DYNLL1: variants seen among roughly 807,000 people sequenced by gnomAD.
DYNLL1 encodes the protein dynein light chain 1, cytoplasmic.
In DYNLL1, 3 loss-of-function variants were observed where a neutral mutation model predicts 10.1. The observed-to-expected ratio is 0.30, with a 90% CI of 0.14 to 0.77. The LOEUF is 0.77. DYNLL1 is among the 30% of genes least tolerant of loss of function. The pLI is 0.66. For synonymous variants in DYNLL1, 46 were observed against 41.2 expected, an observed-to-expected ratio of 1.12 and a Z score of -0.45; for missense variants, 47 against 111.7, an observed-to-expected ratio of 0.42 and a Z score of 2.61.
At chr12:120,478,472 C>T (rs1592998468) in intron 1 of DYNLL1, among the ~76,000 whole-genome samples, 4 of 150,758 alleles carry the variant, frequency 2.7e-5, no homozygotes, top group Admixed American at 2.0e-4. Context: ...TCTCAAACTC[C>T]TGAGCTCAAG....
In DYNLL1 at chr12:120,496,151, C is replaced by A. The variant is rs554496255; in HGVS notation, c.-72C>A. On this transcript the variant is annotated 5_prime_UTR_variant, in exon 1 of 3. Transcript: ENST00000242577. ...TTTCGGTAGCGACGGTATCTCTAGC[C>A]GGGCCTGAGCTGTGCTAGCACCTCC... 1.3e-5 allele frequency: 7 copies of A among 553,106 alleles called. No homozygotes were observed. The highest frequency in any genetic ancestry group is 1.1e-4 in the African/African-American group (6 of 52,726). The allele number at this position is 553,106 out of a possible 1,614,324, so 34.3% of individuals were successfully genotyped here.
chr12:120,493,643 G>A (rs889161358), upstream of DYNLL1, among the ~76,000 whole-genome samples: 55 of 150,214 alleles, frequency 3.7e-4, no homozygotes, highest in Admixed American at 3.5e-3. Context: ...AGAGAGTCTC[G>A]CTCTGTCTCC....
chr12:120,481,345 A>C (rs993835859), intron 1 of DYNLL1, among the ~76,000 whole-genome samples: 2 of 152,162 alleles, frequency 1.3e-5, no homozygotes, highest in African/African-American at 4.8e-5. Context: ...ACAAAAGTTA[A>C]GGACTGAGTC....
chr12:120,493,583 A>G (rs1879188713), upstream of DYNLL1, among the ~76,000 whole-genome samples: 1 of 151,430 alleles, frequency 6.6e-6, no homozygotes, highest in African/African-American at 2.4e-5. Context: ...TATTATATAG[A>G]ATATTATATA....
upstream of DYNLL1, among the ~76,000 whole-genome samples, chr12:120,494,684 G>C (rs1345791301): frequency 6.6e-6 from 1 of 152,072 alleles, no homozygotes; most frequent in Non-Finnish European, 1.5e-5. Flanking sequence ...TCCAACTACT[G>C]AGCTCAAGCG....
chr12:120,473,458 G>A (rs1443868590), intron 1 of DYNLL1, among the ~76,000 whole-genome samples: 1 of 151,840 alleles, frequency 6.6e-6, no homozygotes, highest in East Asian at 1.9e-4. Context: ...CTTTGGGGAG[G>A]TCAAGGTGGG....
intron 1 of DYNLL1, among the ~76,000 whole-genome samples, chr12:120,481,191 C>A (rs1342590548): frequency 7.2e-5 from 11 of 152,158 alleles, no homozygotes; most frequent in Admixed American, 3.9e-4. Flanking sequence ...TTTCTGACAC[C>A]AAATGTGTGG....
intron 1 of DYNLL1, among the ~76,000 whole-genome samples, chr12:120,490,019 A>G (rs1356480081): frequency 1.3e-5 from 2 of 152,244 alleles, no homozygotes; most frequent in Non-Finnish European, 2.9e-5. Flanking sequence ...AAGTGCTAGG[A>G]TTACAGGCGT....
In DYNLL1 at chr12:120,480,463, C is replaced by G. The variant is rs368144083; in HGVS notation, c.-7+10359C>G. On this transcript the variant is annotated intron_variant, in intron 1 of 2. Transcript: ENST00000392509. ...GGCCTTCAGGATGTGCCTGAAGCAGCTTCTCCTCCACTCCTGCTACTCCTG... is the reference window on the plus strand; with the variant it reads ...GGCCTTCAGGATGTGCCTGAAGCAGGTTCTCCTCCACTCCTGCTACTCCTG... 4.6e-5 allele frequency among the ~76,000 whole-genome samples: 7 copies of G among 152,170 alleles called. No individual in the cohort carries two copies. In the East Asian group the frequency reaches 1.2e-3, roughly 25 times the overall value.
chr12:120,470,384 C>G (rs1878619560), intron 1 of DYNLL1, among the ~76,000 whole-genome samples: 1 of 152,118 alleles, frequency 6.6e-6, no homozygotes, highest in Non-Finnish European at 1.5e-5. Context: ...AGACACCCAC[C>G]TTGGCACTTA....
chr12:120,486,511 C>A (rs1038143282), intron 1 of DYNLL1, among the ~76,000 whole-genome samples: 2 of 152,090 alleles, frequency 1.3e-5, no homozygotes, highest in African/African-American at 4.8e-5. Context: ...CTCTGTTGCC[C>A]AGGCTGGAGT....
At chr12:120,477,077 C>G (rs1452901206) in intron 1 of DYNLL1, among the ~76,000 whole-genome samples, 1 of 151,958 alleles carries the variant, frequency 6.6e-6, no homozygotes, top group African/African-American at 2.4e-5. Flanking sequence ...TTACAGGCAC[C>G]TGCCACCACA....
chr12:120,474,438 A>C (rs1457382642), intron 1 of DYNLL1, among the ~76,000 whole-genome samples: 1 of 100,386 alleles, frequency 1.0e-5, no homozygotes, highest in Admixed American at 9.4e-5. Flanking sequence ...TGAAAAAAAC[A>C]ACATAAAAAA....
At chr12:120,488,900 C>G (rs572386674) in intron 1 of DYNLL1, among the ~76,000 whole-genome samples, 1 of 151,792 alleles carries the variant, frequency 6.6e-6, no homozygotes, top group East Asian at 1.9e-4. Flanking sequence ...GCAACAAGAA[C>G]GAAACTCTGT....
chr12:120,493,266 G>A (rs184059821), upstream of DYNLL1, among the ~76,000 whole-genome samples: 472 of 152,252 alleles, frequency 3.1e-3, 1 homozygote, highest in African/African-American at 0.011. Context: ...GGCCGGGTGC[G>A]ATGGCTCACG....
intron 1 of DYNLL1, among the ~76,000 whole-genome samples, chr12:120,480,096 G>A (rs895880768): frequency 1.2e-4 from 18 of 152,234 alleles, no homozygotes; most frequent in African/African-American, 4.1e-4. Flanking sequence ...ACAGCAGAAG[G>A]GGACAAAGCA....
At position 120,498,438 on chromosome 12, in the gene DYNLL1, C is replaced by T. The variant is rs1565926496; in HGVS notation, c.*228C>T. The T allele has an allele frequency of 2.3e-6, 1 of 443,514 alleles. No individual in the cohort carries two copies. The highest frequency in any genetic ancestry group is 3.9e-6 in the Non-Finnish European group (1 of 259,250). 27.5% of individuals were successfully genotyped at this position (443,514 alleles called of 1,614,324 possible). A position where few individuals can be genotyped will look rare whatever the true frequency, so the allele number is the denominator to read the frequency against. ...TTATTTTCTATTCCATACTTCTGCCCACGTTGTTTTCTCTCAAAATCCATT... is the reference window on the plus strand; with the variant it reads ...TTATTTTCTATTCCATACTTCTGCCTACGTTGTTTTCTCTCAAAATCCATT... On this transcript the variant is annotated 3_prime_UTR_variant, in exon 3 of 3. Coordinates refer to ENST00000242577, the MANE Select transcript of DYNLL1 (RefSeq NM_003746.3).
At chr12:120,497,079 C>T (rs955631692) in intron 2 of DYNLL1, 4 of 187,266 alleles carry the variant, frequency 2.1e-5, no homozygotes, top group Admixed American at 1.1e-4. Flanking sequence ...CAGCCTAAGC[C>T]GTGGGAGGGT....
intron 1 of DYNLL1, among the ~76,000 whole-genome samples, chr12:120,485,715 C>T (rs1878978641): frequency 6.6e-6 from 1 of 151,432 alleles, no homozygotes; most frequent in Non-Finnish European, 1.5e-5. Context: ...GTGGTGTGCA[C>T]CTGTGATCCC....
Sources: allele counts gnomAD v4.1 joint callset (sites outside exome capture counted in the v4.1 genomes callset), GRCh38; gene constraint gnomAD v4.1.1; transcripts MANE v1.5; gene names NCBI Gene and HGNC (gene_info 2026-07-23, HGNC 2026-07-21).